GRK5: variants seen among roughly 807,000 people sequenced by gnomAD.
The protein encoded by GRK5 is g protein-coupled receptor kinase GRK5.
In GRK5, 40 loss-of-function variants were observed where a neutral mutation model predicts 78.4. The ratio of observed to expected loss-of-function variants is 0.51; its 90% CI spans 0.40 to 0.66. GRK5 has a LOEUF of 0.66. Among genes scored for constraint, GRK5 ranks in the 30% least tolerant of loss-of-function variants. GRK5 has a pLI of 0.00. For synonymous variants in GRK5, 289 were observed against 296.8 expected (o/e 0.97, Z 0.27); for missense variants, 598 against 759.9 (o/e 0.79, Z 2.50).
intron 12 of GRK5, 46 bp downstream of exon 12, chr10:119,443,798 C>G (rs1464869873): frequency 6.7e-7 from 1 of 1,484,706 alleles, no homozygotes; most frequent in Admixed American, 1.9e-5. Flanking sequence ...GGTGGCTCCC[C>G]TCCCTGGGCC....
intron 13 of GRK5, among the ~76,000 whole-genome samples, chr10:119,450,588 G>A (rs929334617): frequency 2.6e-5 from 4 of 152,150 alleles, no homozygotes; most frequent in Non-Finnish European, 5.9e-5. Context: ...CGGCTCTGAG[G>A]GTCAGAGCGA....
intron 1 of GRK5, among the ~76,000 whole-genome samples, chr10:119,276,848 A>C (rs1422884243): frequency 6.6e-6 from 1 of 152,170 alleles, no homozygotes; most frequent in Non-Finnish European, 1.5e-5. Flanking sequence ...GCGGGACCTG[A>C]ACTCAAGTCT....
intron 2 of GRK5, among the ~76,000 whole-genome samples, chr10:119,347,225 T>G (rs1300474553): frequency 6.6e-6 from 1 of 152,152 alleles, no homozygotes; most frequent in East Asian, 1.9e-4. Flanking sequence ...TGTATGTGTG[T>G]GTGTGCAGTG....
At chr10:119,347,093 G>T (rs749594814) in intron 2 of GRK5, among the ~76,000 whole-genome samples, 1 of 152,162 alleles carries the variant, frequency 6.6e-6, no homozygotes. Context: ...TTATCTGAGA[G>T]GGCCTGGGCT....
chr10:119,288,435 GTA>G (rs1181216380), intron 1 of GRK5, among the ~76,000 whole-genome samples: 1 of 152,172 alleles, frequency 6.6e-6, no homozygotes, highest in East Asian at 1.9e-4. Flanking sequence ...TAACAAGTAG[GTA>G]TCGACTGGGT....
At chr10:119,263,362 T>A (rs980224525) in intron 1 of GRK5, among the ~76,000 whole-genome samples, 34 of 151,696 alleles carry the variant, frequency 2.2e-4, no homozygotes, top group African/African-American at 5.6e-4. Context: ...GGAAAAAAAA[T>A]TTTTTTTTCA....
chr10:119,376,204 G>T (rs535404600), intron 2 of GRK5, among the ~76,000 whole-genome samples: 1 of 152,280 alleles, frequency 6.6e-6, no homozygotes, highest in African/African-American at 2.4e-5. Flanking sequence ...TGCAGCTTAT[G>T]ATGGGCTTTC....
At chr10:119,418,810 G>A (rs147931504) in intron 4 of GRK5, among the ~76,000 whole-genome samples, 2 of 152,216 alleles carry the variant, frequency 1.3e-5, no homozygotes, top group East Asian at 1.9e-4. Context: ...AGGGGGTCCC[G>A]GACCCCTGGG....
At chr10:119,227,099 G>A (rs11198831) in intron 1 of GRK5, among the ~76,000 whole-genome samples, 108,823 of 152,016 alleles carry the variant, frequency 0.72, 42,365 homozygotes, top group East Asian at 0.87. Flanking sequence ...CAGGTGATCC[G>A]CCCTCCTTGG....
intron 6 of GRK5, among the ~76,000 whole-genome samples, chr10:119,429,968 C>T (rs915121): frequency 0.25 from 37,517 of 152,018 alleles, 4,787 homozygotes; most frequent in East Asian, 0.4. Context: ...CTTTGTGGGA[C>T]GCTGGTCCTC....
In GRK5 at chr10:119,452,149, G is replaced by A. The variant is rs919895465; in HGVS notation, c.1405-522G>A. ...GCTCCCAGTTACGGGCGCCAGGCTC[G>A]GTGGCCAGCACTGACAGCAGCCCCA... On this transcript the variant is annotated intron_variant, in intron 13 of 15. Coordinates refer to ENST00000392870, the MANE Select transcript of GRK5 (RefSeq NM_005308.3). This position sits in a 1 kb window ranked among gnomAD's most constrained non-coding sequence, Gnocchi z 4.4. 1.3e-5 allele frequency among the ~76,000 whole-genome samples: 2 copies of A among 152,190 alleles called. No homozygotes were observed. The highest frequency in any genetic ancestry group is 4.8e-5 in the African/African-American group (2 of 41,448).
chr10:119,249,855 T>C (rs1349497615), intron 1 of GRK5, among the ~76,000 whole-genome samples: 1 of 152,236 alleles, frequency 6.6e-6, no homozygotes, highest in East Asian at 1.9e-4. Flanking sequence ...GTCATTGTTA[T>C]TGTAAGTGCA....
chr10:119,452,564 G>A lies in GRK5; in HGVS notation c.1405-107G>A, dbSNP rs1414895472. The A allele has an allele frequency of 9.0e-6, 12 of 1,326,126 alleles. No homozygotes were observed. In the African/African-American group the frequency reaches 1.0e-4, roughly 11 times the overall value. 82.1% of individuals were successfully genotyped at this position (1,326,126 alleles called of 1,614,324 possible). On this transcript the variant is annotated intron_variant, in intron 13 of 15. Coordinates refer to ENST00000392870, the MANE Select transcript of GRK5 (RefSeq NM_005308.3). The surrounding 1 kb of genome is among the most constrained non-coding windows in gnomAD (Gnocchi z 4.4). The stretch of plus-strand genomic sequence containing the variant: ...CACTACCCATAGCAGTTCTGGGGGT[G>A]TGTCCTGGGAAGACTCCCTTCTGCT...
At chr10:119,342,310 G>T (rs1022535348) in intron 2 of GRK5, among the ~76,000 whole-genome samples, 4 of 152,242 alleles carry the variant, frequency 2.6e-5, no homozygotes, top group African/African-American at 7.2e-5. Flanking sequence ...GCTGGATTGG[G>T]ACGGAGACAG....
At chr10:119,365,399 A>G (rs1283540173) in intron 2 of GRK5, among the ~76,000 whole-genome samples, 1 of 152,210 alleles carries the variant, frequency 6.6e-6, no homozygotes, top group Non-Finnish European at 1.5e-5. Flanking sequence ...TTGAAGATTT[A>G]TATGAAACAC....
intron 3 of GRK5, among the ~76,000 whole-genome samples, chr10:119,390,333 A>G (rs995863868): frequency 6.6e-6 from 1 of 152,216 alleles, no homozygotes; most frequent in African/African-American, 2.4e-5. Context: ...GGTGAAAGGC[A>G]CGTCTCACAT....
At chr10:119,416,647 G>A (rs1225049265) in intron 4 of GRK5, among the ~76,000 whole-genome samples, 1 of 151,584 alleles carries the variant, frequency 6.6e-6, no homozygotes, top group Admixed American at 6.6e-5. Context: ...TTGGAGTGCA[G>A]TGGCTCAGTG....
intron 4 of GRK5, among the ~76,000 whole-genome samples, chr10:119,397,291 T>C (rs1300404530): frequency 3.3e-5 from 5 of 152,194 alleles, no homozygotes; most frequent in Non-Finnish European, 5.9e-5. Context: ...ACCCACTGGA[T>C]AGTTGAAGCA....
rs1182492527 is a variant in GRK5, at chr10:119,412,607, C to T, written c.340-10559C>T. Among the ~76,000 whole-genome samples, 1 of 152,198 alleles carries T rather than the reference C, an allele frequency of 6.6e-6. No homozygotes were observed. The highest frequency in any genetic ancestry group is 6.5e-5 in the Admixed American group (1 of 15,280). On this transcript the variant is annotated intron_variant, in intron 4 of 15. Transcript: ENST00000392870. This position sits in a 1 kb window ranked among gnomAD's most constrained non-coding sequence, Gnocchi z 4.3. ...TGGCCATGGACAGAGAAAGGAACCA[C>T]TCCAGACGGACGTGAGGGTGTGTGG...
Sources: gnomAD v4.1 joint callset for allele counts (sites outside exome capture counted in the v4.1 genomes callset) on GRCh38, gnomAD v4.1.1 for gene constraint, Gnocchi (gnomAD v3.1) non-coding constraint, MANE v1.5 for transcripts, NCBI Gene and HGNC (gene_info 2026-07-23, HGNC 2026-07-21) for gene names.